DACH2: variants seen among roughly 807,000 people sequenced by gnomAD.
The protein encoded by DACH2 is dachshund family transcription factor 2, also known as dachshund homolog 2.
Under a neutral mutation model 35.8 loss-of-function variants are expected in DACH2, and 17 were observed. That is an observed-to-expected ratio of 0.48 (90% CI 0.33 to 0.71). The LOEUF is 0.71. Ranked by LOEUF, DACH2 falls within the 30% of genes least tolerant of loss-of-function variation. The pLI, the probability that DACH2 is intolerant of heterozygous loss-of-function variation, is 0.02. For missense variants in DACH2, 469 were observed against 472.7 expected, an observed-to-expected ratio of 0.99 and a Z score of 0.07; for synonymous variants, 195 against 177.3, an observed-to-expected ratio of 1.10 and a Z score of -0.79.
intron 1 of DACH2, among the ~76,000 whole-genome samples, chrX:86,354,953 A>C (rs1340889698): frequency 8.9e-6 from 1 of 111,823 alleles, no homozygotes; most frequent in Non-Finnish European, 1.9e-5. Flanking sequence ...GTATATGTGC[A>C]ATTTTATTCC....
At chrX:86,769,701 C>T (rs1288429310) in intron 7 of DACH2, among the ~76,000 whole-genome samples, 1 of 111,558 alleles carries the variant, frequency 9.0e-6, no homozygotes, top group Non-Finnish European at 1.9e-5. Context: ...GAATCAAAGA[C>T]ATAAACCTTT....
chrX:86,500,904 C>A (rs986199747), intron 2 of DACH2, among the ~76,000 whole-genome samples: 3 of 111,502 alleles, frequency 2.7e-5, no homozygotes, highest in African/African-American at 9.8e-5. Context: ...CCAATAAATA[C>A]CAATGAGGCA....
intron 3 of DACH2, among the ~76,000 whole-genome samples, chrX:86,550,592 G>A (rs994745435): frequency 1.8e-5 from 2 of 111,273 alleles, no homozygotes; most frequent in Non-Finnish European, 3.8e-5. Context: ...TTCTCAGGTT[G>A]TAACAATCTG....
intron 7 of DACH2, among the ~76,000 whole-genome samples, chrX:86,753,360 A>G (rs1483045659): frequency 1.8e-5 from 2 of 112,043 alleles, no homozygotes; most frequent in Non-Finnish European, 3.8e-5. Flanking sequence ...AGAATAAAAA[A>G]GTATTTAAAA....
chrX:86,401,736 A>T (rs1366884242), intron 2 of DACH2, among the ~76,000 whole-genome samples: 1 of 110,696 alleles, frequency 9.0e-6, no homozygotes, highest in Non-Finnish European at 1.9e-5. Context: ...AAAGAAAAAA[A>T]AAAAACTTCA....
intron 3 of DACH2, among the ~76,000 whole-genome samples, chrX:86,527,614 G>A (rs750815866): frequency 5.9e-4 from 66 of 112,215 alleles, no homozygotes; most frequent in South Asian, 2.6e-3. Context: ...AGACATTGGA[G>A]TTCTTTTACC....
At chrX:86,593,221 G>T in intron 3 of DACH2, among the ~76,000 whole-genome samples, 1 of 109,424 alleles carries the variant, frequency 9.1e-6, no homozygotes, top group Non-Finnish European at 1.9e-5. Flanking sequence ...GAGTTTTTAA[G>T]GTGAATGAAT....
chrX:86,210,928 G>A (rs2032431107), intron 1 of DACH2, among the ~76,000 whole-genome samples: 1 of 111,633 alleles, frequency 9.0e-6, no homozygotes, highest in African/African-American at 3.3e-5. Context: ...ATCATTGAGA[G>A]GATTGATTTA....
At chrX:86,754,269 A>C (rs1312464278) in intron 7 of DACH2, among the ~76,000 whole-genome samples, 1 of 111,243 alleles carries the variant, frequency 9.0e-6, no homozygotes, top group East Asian at 2.8e-4. Context: ...TAAATATGAA[A>C]AAATCATCTA....
chrX:86,281,908 C>G lies in DACH2; in HGVS notation c.489-94916C>G, dbSNP rs761238484. ...AGTGAACTCCCATTCACAGTTGCTA[C>G]AAAGATCATAAAATTCCTGGGAATA... On this transcript the variant is annotated intron_variant, in intron 1 of 11. Transcript: ENST00000373125. Among the ~76,000 whole-genome samples the G allele has an allele frequency of 8.9e-4, 100 of 111,738 alleles. 2 individuals carry two copies. Among genetic ancestry groups the G allele is most frequent in the Non-Finnish European group, 3.0e-4 (16 of 53,122 alleles).
chrX:86,750,238 T>C (rs145119462), intron 7 of DACH2, among the ~76,000 whole-genome samples: 1,622 of 111,444 alleles, frequency 0.015, 21 homozygotes, highest in Non-Finnish European at 0.024. Context: ...TTTATATAGA[T>C]GTCTTTTATC....
At chrX:86,183,023 A>AT (rs774777886) in intron 1 of DACH2, among the ~76,000 whole-genome samples, 1 of 111,661 alleles carries the variant, frequency 9.0e-6, no homozygotes, top group East Asian at 2.8e-4. Flanking sequence ...GCACATTGTG[A>AT]TTTTGTATCC....
At chrX:86,234,331 A>G (rs1377442196) in intron 1 of DACH2, among the ~76,000 whole-genome samples, 1 of 111,636 alleles carries the variant, frequency 9.0e-6, no homozygotes, top group Non-Finnish European at 1.9e-5. Flanking sequence ...CTATAATTTC[A>G]GCTAACATTA....
intron 1 of DACH2, among the ~76,000 whole-genome samples, chrX:86,288,285 T>TTA (rs2034194972): frequency 8.0e-5 from 4 of 49,715 alleles, no homozygotes; most frequent in Non-Finnish European, 1.3e-4. Context: ...AGAGGTGGAG[T>TTA]GACAACTACC....
chrX:86,196,511 T>C (rs769137922), intron 1 of DACH2, among the ~76,000 whole-genome samples: 1 of 107,271 alleles, frequency 9.3e-6, no homozygotes, highest in Non-Finnish European at 1.9e-5. Flanking sequence ...GCTAACACAG[T>C]GAAACCCCAT....
In DACH2 at chrX:86,816,110, C is replaced by G. The variant is rs774116064; in HGVS notation, c.1750+11C>G. On this transcript the variant is annotated intron_variant, in intron 11 of 11. Transcript: ENST00000373125. ...GTGCTGCTATGCAAGGTACAGTCAA[C>G]TGAAAACTTCTTTCTTTGACTGCTT... is the stretch of plus-strand genomic sequence containing the variant. 1 of 1,135,455 alleles carries G rather than the reference C, an allele frequency of 8.8e-7. No individual in the cohort carries two copies. The highest frequency in any genetic ancestry group is 2.2e-5 in the South Asian group (1 of 46,418). 93.6% of individuals were successfully genotyped at this position (1,135,455 alleles called of 1,213,427 possible). A position where few individuals can be genotyped will look rare whatever the true frequency, so the allele number is the denominator to read the frequency against.
intron 4 of DACH2, among the ~76,000 whole-genome samples, chrX:86,682,838 T>A (rs745771061): frequency 9.5e-4 from 106 of 111,866 alleles, no homozygotes; most frequent in African/African-American, 3.3e-3. Context: ...CTACTTTTAT[T>A]TTTCATTAAA....
intron 6 of DACH2, among the ~76,000 whole-genome samples, chrX:86,721,128 G>A (rs1038483191): frequency 3.6e-5 from 4 of 112,462 alleles, no homozygotes; most frequent in African/African-American, 1.3e-4. Context: ...ATCCAAACCT[G>A]TGATGGGAAG....
At chrX:86,217,706 A>G (rs940966929) in intron 1 of DACH2, among the ~76,000 whole-genome samples, 2 of 111,641 alleles carry the variant, frequency 1.8e-5, no homozygotes, top group African/African-American at 6.5e-5. Context: ...GTATTGAGAT[A>G]ATTGGTACAT....
Sources: gnomAD v4.1 joint callset for allele counts (sites outside exome capture counted in the v4.1 genomes callset) on GRCh38, gnomAD v4.1.1 for gene constraint, MANE v1.5 for transcripts, NCBI Gene and HGNC (gene_info 2026-07-23, HGNC 2026-07-21) for gene names.